EYS: variants seen among roughly 807,000 people sequenced by gnomAD.
EYS encodes EGF-like photoreceptor maintenance factor.
EYS carries 250 observed loss-of-function variants against 282.1 expected under a neutral mutation model. The ratio of observed to expected loss-of-function variants is 0.89; its 90% CI spans 0.80 to 0.98. The LOEUF is 0.98. Among genes scored for constraint, EYS ranks in the 50% least tolerant of loss-of-function variants. The pLI is 0.00. For missense variants in EYS, 4,016 were observed against 3,709.0 expected (o/e 1.08, Z -2.15); for synonymous variants, 1,355 against 1,282.9 (o/e 1.06, Z -1.20).
chr6:65,469,262 T>C (rs565849015), intron 5 of EYS, among the ~76,000 whole-genome samples: 1 of 152,104 alleles, frequency 6.6e-6, no homozygotes, highest in South Asian at 2.1e-4. Context: ...AATCATGAAA[T>C]TGGAAGAAGT....
intron 12 of EYS, among the ~76,000 whole-genome samples, chr6:65,199,561 C>G (rs1228029920): frequency 6.6e-6 from 1 of 152,012 alleles, no homozygotes; most frequent in Non-Finnish European, 1.5e-5. Context: ...TGCCATGAAA[C>G]CACTAGATGC....
chr6:64,673,464 T>G (rs1769539292), intron 22 of EYS, among the ~76,000 whole-genome samples: 1 of 152,154 alleles, frequency 6.6e-6, no homozygotes, highest in South Asian at 2.1e-4. Context: ...AATATCCTAG[T>G]GCCACAATTT....
At chr6:64,819,498 G>T (rs1200469641) in intron 21 of EYS, among the ~76,000 whole-genome samples, 1 of 151,836 alleles carries the variant, frequency 6.6e-6, no homozygotes, top group Non-Finnish European at 1.5e-5. Context: ...AATCAAGAAA[G>T]AATTAACAGA....
Position 65,618,927 on chromosome 6 carries a change from C to G in EYS, c.-333+20851G>C, listed in dbSNP as rs1343193067. On this transcript the variant is annotated intron_variant, in intron 2 of 42. Transcript: ENST00000503581. ...ATTGATCTATATCTCTGTTTTGGTA[C>G]CAGTACCATGCTGTTTTGGTTACTG... Among the ~76,000 whole-genome samples, 3 of 152,202 alleles carry G rather than the reference C, an allele frequency of 2.0e-5. No individual in the cohort carries two copies. The South Asian group carries it at 6.2e-4, about 32-fold the overall frequency.
At chr6:64,817,066 G>A (rs955044234) in intron 21 of EYS, among the ~76,000 whole-genome samples, 3 of 151,974 alleles carry the variant, frequency 2.0e-5, no homozygotes, top group Admixed American at 2.0e-4. Flanking sequence ...CATTTTGCAA[G>A]ATCTTGTTTA....
intron 31 of EYS, among the ~76,000 whole-genome samples, chr6:64,095,483 G>A (rs1341515397): frequency 1.3e-5 from 2 of 152,080 alleles, no homozygotes; most frequent in African/African-American, 4.8e-5. Context: ...TCTTCTTGTT[G>A]AATTGATCCC....
chr6:65,641,988 GTAATAAATAAGTTCTCCTTGTT>G (rs1767290866), intron 1 of EYS, among the ~76,000 whole-genome samples: 2 of 152,092 alleles, frequency 1.3e-5, no homozygotes, highest in Non-Finnish European at 2.9e-5. Context: ...CAGTTCCTAA[GTAATAAATAAGTTCTCCTTGTT>G]TAACATCACA....
chr6:65,459,649 A>G (rs914736129), intron 5 of EYS, among the ~76,000 whole-genome samples: 6 of 151,734 alleles, frequency 4.0e-5, no homozygotes, highest in African/African-American at 1.4e-4. Flanking sequence ...ATGTTTGATA[A>G]ATATTTGTTA....
chr6:65,122,638 G>T (rs528319204), intron 12 of EYS, among the ~76,000 whole-genome samples: 1 of 152,144 alleles, frequency 6.6e-6, no homozygotes, highest in Non-Finnish European at 1.5e-5. Flanking sequence ...ACTGTCTTTT[G>T]ATGCCATAGT....
chr6:65,309,998 C>T (rs1027720666), intron 11 of EYS, among the ~76,000 whole-genome samples: 1 of 152,154 alleles, frequency 6.6e-6, no homozygotes, highest in African/African-American at 2.4e-5. Context: ...TGCATTGGAT[C>T]ACAATACTAT....
At chr6:65,645,436 G>A (rs1016608298) in intron 1 of EYS, among the ~76,000 whole-genome samples, 1 of 152,080 alleles carries the variant, frequency 6.6e-6, no homozygotes, top group African/African-American at 2.4e-5. Flanking sequence ...TGATTGATCA[G>A]CAGTCAACAA....
At chr6:63,733,494 T>C (rs566452494) in intron 41 of EYS, among the ~76,000 whole-genome samples, 1 of 152,122 alleles carries the variant, frequency 6.6e-6, no homozygotes, top group South Asian at 2.1e-4. Flanking sequence ...TTATATCTGT[T>C]TGTACTCAGT....
intron 31 of EYS, among the ~76,000 whole-genome samples, chr6:64,224,774 A>G (rs2150335063): frequency 6.6e-6 from 1 of 152,286 alleles, no homozygotes; most frequent in East Asian, 1.9e-4. Context: ...ATGGACATAA[A>G]AGACAGAAAT....
At chr6:64,211,871 T>A (rs1765791627) in intron 31 of EYS, among the ~76,000 whole-genome samples, 2 of 151,954 alleles carry the variant, frequency 1.3e-5, no homozygotes, top group South Asian at 2.1e-4. Context: ...ATCCCAGCAC[T>A]TTCAGAGGCG....
chr6:65,121,519 TG>T (rs56675024), intron 12 of EYS, among the ~76,000 whole-genome samples: 25,103 of 152,058 alleles, frequency 0.17, 2,278 homozygotes, highest in Middle Eastern at 0.21. Context: ...TGGAAATTTG[TG>T]AAAAAACATG....
chr6:64,396,620 T>C (rs1402148670), intron 28 of EYS, among the ~76,000 whole-genome samples: 1 of 152,120 alleles, frequency 6.6e-6, no homozygotes, highest in Admixed American at 6.6e-5. Context: ...GTATCAGTTT[T>C]TATTTTTTCT....
At chr6:64,113,065 C>A (rs766476230) in intron 31 of EYS, among the ~76,000 whole-genome samples, 3 of 151,904 alleles carry the variant, frequency 2.0e-5, no homozygotes, top group South Asian at 4.1e-4. Flanking sequence ...ACTAGTTTTG[C>A]CGTTACCAGT....
At chr6:64,917,420 G>A (rs568383846) in intron 15 of EYS, among the ~76,000 whole-genome samples, 2 of 152,080 alleles carry the variant, frequency 1.3e-5, no homozygotes, top group South Asian at 2.1e-4. Flanking sequence ...AAGGCATATA[G>A]GCTTTTTTGG....
rs551556033 is a variant in EYS, at chr6:64,466,020, T to A, written c.5645-26668A>T. Among the ~76,000 whole-genome samples, 8 of 152,130 alleles carry A rather than the reference T, an allele frequency of 5.3e-5. No homozygotes were observed. In the South Asian group the frequency reaches 8.3e-4, roughly 16 times the overall value. On this transcript the variant is annotated intron_variant, in intron 26 of 42. Coordinates refer to ENST00000503581, the MANE Select transcript of EYS (RefSeq NM_001142800.2). ...AAGAATACTCAAGAGCACTAATCAG[T>A]AGAAAAACATAAATTGAAACCACAA...
Sources: gnomAD v4.1 joint callset for allele counts (sites outside exome capture counted in the v4.1 genomes callset) on GRCh38, gnomAD v4.1.1 for gene constraint, MANE v1.5 for transcripts, NCBI Gene and HGNC (gene_info 2026-07-23, HGNC 2026-07-21) for gene names.